CFAP299: variants seen among roughly 807,000 people sequenced by gnomAD.
CFAP299 encodes the protein cilia and flagella associated protein 299.
In CFAP299, 21 loss-of-function variants were observed where a neutral mutation model predicts 27.0. That is an observed-to-expected ratio of 0.78 (90% CI 0.55 to 1.12). The LOEUF (loss-of-function observed/expected upper bound fraction) is 1.12. Ranked by LOEUF, CFAP299 falls within the 50% of genes most tolerant of loss-of-function variation. CFAP299 has a pLI of 0.00. For synonymous variants in CFAP299, 104 were observed against 98.1 expected (o/e 1.06, Z -0.36); for missense variants, 310 against 276.6 (o/e 1.12, Z -0.86).
intron 2 of CFAP299, among the ~76,000 whole-genome samples, chr4:80,470,033 C>A (rs533315712): frequency 6.6e-6 from 1 of 152,070 alleles, no homozygotes; most frequent in Non-Finnish European, 1.5e-5. Flanking sequence ...GAAGGAATGT[C>A]TTTGTGTCCT....
chr4:80,336,444 C>G (rs190631378), intron 1 of CFAP299: 1 of 152,738 alleles, frequency 6.5e-6, no homozygotes, highest in East Asian at 1.9e-4. Context: ...ATTCCTGATT[C>G]AAGTTTATCG....
chr4:80,545,102 TGGGTTTTGGGTAA>T (rs1439528822), intron 2 of CFAP299, among the ~76,000 whole-genome samples: 1 of 132,904 alleles, frequency 7.5e-6, no homozygotes, highest in East Asian at 2.2e-4. Flanking sequence ...TGCTTCTAAA[TGGGTTTTGGGTAA>T]GAAAATTAAC....
At chr4:80,666,006 C>A (rs1044273188) in intron 3 of CFAP299, among the ~76,000 whole-genome samples, 3 of 152,080 alleles carry the variant, frequency 2.0e-5, no homozygotes, top group East Asian at 1.9e-4. Flanking sequence ...GTACAGCCTG[C>A]AAAACTATAA....
intron 3 of CFAP299, among the ~76,000 whole-genome samples, chr4:80,826,865 C>T (rs1730016352): frequency 6.6e-6 from 1 of 151,770 alleles, no homozygotes; most frequent in Non-Finnish European, 1.5e-5. Flanking sequence ...TTTTCTCTAA[C>T]AATCCTTGGA....
chr4:80,420,280 C>T, intron 2 of CFAP299: 1 of 453,996 alleles, frequency 2.2e-6, no homozygotes, highest in Non-Finnish European at 4.4e-6. Context: ...AACCTGTTTC[C>T]ATCAATGCTG....
At chr4:80,381,744 A>T (rs1448444395) in intron 2 of CFAP299, among the ~76,000 whole-genome samples, 1 of 152,176 alleles carries the variant, frequency 6.6e-6, no homozygotes, top group Admixed American at 6.5e-5. Context: ...GTAAATCGCT[A>T]ATCCAGTCAA....
intron 2 of CFAP299, among the ~76,000 whole-genome samples, chr4:80,432,531 C>G (rs941375202): frequency 8.5e-5 from 5 of 58,742 alleles, no homozygotes; most frequent in Middle Eastern, 9.1e-3. Flanking sequence ...AATTTACACT[C>G]TATTTTTTTT....
rs750721277 is a variant in CFAP299, at chr4:80,870,688, T to G, written c.476+553T>G. On this transcript the variant is annotated intron_variant, in intron 4 of 5. Coordinates refer to ENST00000358105, the MANE Select transcript of CFAP299 (RefSeq NM_152770.3). ...CAATCTATTCACAGATGGGTTCTTC[T>G]ACTCCCTTCTAAATAGCATGCAAGC... The G allele has an allele frequency of 1.1e-5, 11 of 985,446 alleles. No individual in the cohort carries two copies. The South Asian group carries it at 5.2e-4, about 46-fold the overall frequency. The allele number at this position is 985,446 out of a possible 1,614,324, so 61.0% of individuals were successfully genotyped here.
intron 2 of CFAP299, among the ~76,000 whole-genome samples, chr4:80,479,795 G>A (rs1317076586): frequency 1.3e-5 from 2 of 151,918 alleles, no homozygotes; most frequent in Non-Finnish European, 2.9e-5. Context: ...GTTCAATAAA[G>A]TTAGCCTAAA....
At chr4:80,430,605 C>G (rs1375612928) in intron 2 of CFAP299, among the ~76,000 whole-genome samples, 1 of 152,158 alleles carries the variant, frequency 6.6e-6, no homozygotes, top group East Asian at 1.9e-4. Flanking sequence ...CTTCCTACTT[C>G]TTAGTCTTCA....
rs546482791 is a variant in CFAP299 at position 80,658,266 on chromosome 4, A to G, written c.333+75083A>G. Among the ~76,000 whole-genome samples the G allele has an allele frequency of 7.2e-5, 11 of 152,220 alleles. No individual in the cohort carries two copies. The South Asian group carries it at 2.1e-3, about 29-fold the overall frequency. ...TGCCCTGGCCAGAACTCCCAATACT[A>G]TGTTGAATAGGGGTGGTGAGAGAGG... On this transcript the variant is annotated intron_variant, in intron 3 of 5. Coordinates refer to ENST00000358105, the MANE Select transcript of CFAP299 (RefSeq NM_152770.3).
At chr4:80,843,761 T>TA (rs1201669495) in intron 3 of CFAP299, among the ~76,000 whole-genome samples, 5 of 152,122 alleles carry the variant, frequency 3.3e-5, no homozygotes, top group Admixed American at 1.3e-4. Flanking sequence ...GATTTTTTTT[T>TA]AATTTTATTA....
intron 2 of CFAP299, among the ~76,000 whole-genome samples, chr4:80,450,996 A>T (rs1728876683): frequency 6.6e-6 from 1 of 151,956 alleles, no homozygotes; most frequent in Non-Finnish European, 1.5e-5. Flanking sequence ...GCAGCCATCC[A>T]GCCTATGATC....
At chr4:80,483,410 A>G (rs369260481) in intron 2 of CFAP299, among the ~76,000 whole-genome samples, 16 of 152,214 alleles carry the variant, frequency 1.1e-4, no homozygotes, top group African/African-American at 3.9e-4. Context: ...TAAATTTTAC[A>G]TGAATTGTAT....
chr4:80,612,211 C>T (rs1024469861), intron 3 of CFAP299, among the ~76,000 whole-genome samples: 1 of 151,592 alleles, frequency 6.6e-6, no homozygotes, highest in East Asian at 1.9e-4. Flanking sequence ...ATTTTTATAC[C>T]CCATTTCTTA....
At chr4:80,814,765 C>T (rs1160283852) in intron 3 of CFAP299, among the ~76,000 whole-genome samples, 1 of 150,738 alleles carries the variant, frequency 6.6e-6, no homozygotes, top group African/African-American at 2.4e-5. Flanking sequence ...TGAATATTGG[C>T]ACTAGAAAAA....
intron 3 of CFAP299, among the ~76,000 whole-genome samples, chr4:80,702,475 T>C (rs1322433320): frequency 6.6e-6 from 1 of 151,930 alleles, no homozygotes; most frequent in Non-Finnish European, 1.5e-5. Flanking sequence ...GTCTGAAATG[T>C]TGACATCAGT....
At position 80,584,709 on chromosome 4, in the gene CFAP299, C is replaced by G. The variant is rs371612209; in HGVS notation, c.333+1526C>G. ...TTTCCCTTAGTGAATCAACAAAACC[C>G]ATGAGCCTACTGATTCTGTTTCCTG... On this transcript the variant is annotated intron_variant, in intron 3 of 5. Transcript: ENST00000358105. 1.4e-4 allele frequency among the ~76,000 whole-genome samples: 22 copies of G among 152,136 alleles called. 1 individual carries two copies. The highest frequency in any genetic ancestry group is 5.1e-4 in the African/African-American group (21 of 41,542).
chr4:80,776,453 T>C (rs1038823388), intron 3 of CFAP299, among the ~76,000 whole-genome samples: 3 of 152,070 alleles, frequency 2.0e-5, no homozygotes, highest in Non-Finnish European at 4.4e-5. Context: ...AAGATTACGG[T>C]CCATGTCTTA....
Sources: gnomAD v4.1 joint callset for allele counts (sites outside exome capture counted in the v4.1 genomes callset) on GRCh38, gnomAD v4.1.1 for gene constraint, MANE v1.5 for transcripts, NCBI Gene and HGNC (gene_info 2026-07-23, HGNC 2026-07-21) for gene names.